PIK3C2G: variants seen among roughly 807,000 people sequenced by gnomAD.
PIK3C2G encodes the protein phosphatidylinositol 3-kinase C2 domain-containing subunit gamma.
Under a neutral mutation model 181.1 loss-of-function variants are expected in PIK3C2G, and 168 were observed. That is an observed-to-expected ratio of 0.93 (90% CI 0.82 to 1.05). The LOEUF is 1.05. Ranked by LOEUF, PIK3C2G falls within the 50% of genes least tolerant of loss-of-function variation. The pLI, the probability that PIK3C2G is intolerant of heterozygous loss-of-function variation, is 0.00. For synonymous variants in PIK3C2G, 573 were observed against 592.2 expected, an observed-to-expected ratio of 0.97 and a Z score of 0.47; for missense variants, 1,869 against 1,732.8, an observed-to-expected ratio of 1.08 and a Z score of -1.40.
rs111477409 is a variant in PIK3C2G, at chr12:18,613,470, C to CA, written c.4182+3842dup. Among the ~76,000 whole-genome samples, 501 of 152,124 alleles carry CA rather than the reference C, an allele frequency of 3.3e-3. 2 individuals are homozygous for CA. Among genetic ancestry groups the CA allele is most frequent in the African/African-American group, 0.01 (425 of 41,506 alleles). ...GTAGAGTCAAACACAAGAACCCCCCCACACACTAAAACTGTATTACTTTTA... is the reference window on the plus strand; with the variant it reads ...GTAGAGTCAAACACAAGAACCCCCCCAACACACTAAAACTGTATTACTTTTA... On this transcript the variant is annotated intron_variant, in intron 31 of 32. Transcript: ENST00000538779.
At position 18,491,440 on chromosome 12, in the gene PIK3C2G, AT is replaced by A; in HGVS notation, c.2686-6del. On this transcript the variant is annotated splice_polypyrimidine_tract_variant and intron_variant, in intron 19 of 32. Transcript: ENST00000538779. ...ATTTTCTTAAATCCTTTTTCTAATG[AT>A]TTTTCACAGGAGGTACTGAAGAAAG... 7.3e-7 allele frequency: 1 copy of A among 1,375,102 alleles called. No homozygotes were observed. The highest frequency in any genetic ancestry group is 1.0e-6 in the Non-Finnish European group (1 of 978,546). 85.2% of individuals were successfully genotyped at this position (1,375,102 alleles called of 1,614,324 possible). A position where few individuals can be genotyped will look rare whatever the true frequency, so the allele number is the denominator to read the frequency against.
chr12:18,301,927 T>C (rs1950193455), intron 5 of PIK3C2G, among the ~76,000 whole-genome samples: 1 of 152,324 alleles, frequency 6.6e-6, no homozygotes, highest in Non-Finnish European at 1.5e-5. Flanking sequence ...CAGCATTCTT[T>C]CTAGGCAAAT....
At chr12:18,361,091 T>C (rs1941201309) in intron 11 of PIK3C2G, among the ~76,000 whole-genome samples, 1 of 152,082 alleles carries the variant, frequency 6.6e-6, no homozygotes. Flanking sequence ...GTTATTGTTG[T>C]TGTTGTTGTT....
chr12:18,716,050 GATTT>G, the PIK3C2G span, among the ~76,000 whole-genome samples: 6 of 152,068 alleles, frequency 3.9e-5, no homozygotes, highest in East Asian at 9.7e-4. Context: ...TTGGCTTACG[GATTT>G]ATTTATGTAT....
At chr12:18,709,712 C>A in the PIK3C2G span, among the ~76,000 whole-genome samples, 1 of 151,878 alleles carries the variant, frequency 6.6e-6, no homozygotes, top group Non-Finnish European at 1.5e-5. Context: ...CAATACCACA[C>A]CCCAAGGGAA....
chr12:18,521,910 G>A (rs1942944179), intron 24 of PIK3C2G, among the ~76,000 whole-genome samples: 1 of 152,202 alleles, frequency 6.6e-6, no homozygotes, highest in Non-Finnish European at 1.5e-5. Context: ...CAAATCATGG[G>A]TTGCACAGTT....
intron 18 of PIK3C2G, among the ~76,000 whole-genome samples, chr12:18,431,290 T>C (rs1250878036): frequency 6.6e-6 from 1 of 152,178 alleles, no homozygotes; most frequent in African/African-American, 2.4e-5. Context: ...GTTGAATGAT[T>C]AACAATAAAA....
At chr12:18,628,922 T>C (rs1949224149) in intron 31 of PIK3C2G, among the ~76,000 whole-genome samples, 1 of 152,080 alleles carries the variant, frequency 6.6e-6, no homozygotes, top group Admixed American at 6.6e-5. Context: ...TGAGACCCCA[T>C]CTCTGAAAAA....
intron 24 of PIK3C2G, among the ~76,000 whole-genome samples, chr12:18,517,975 A>C (rs536028804): frequency 4.6e-5 from 7 of 152,324 alleles, no homozygotes; most frequent in Admixed American, 1.3e-4. Flanking sequence ...CCTTTTCTGC[A>C]TCTATTGAGA....
At chr12:18,650,331 C>CTCTCTCTATATATATATA (rs1555163997), downstream of PIK3C2G, among the ~76,000 whole-genome samples, 3 of 91,984 alleles carry the variant, frequency 3.3e-5, no homozygotes, top group African/African-American at 1.3e-4. Context: ...CTCTCTCTCT[C>CTCTCTCTATATATATATA]TATATATATA....
At chr12:18,372,964 C>CA (rs1340437206) in intron 13 of PIK3C2G, among the ~76,000 whole-genome samples, 1 of 151,974 alleles carries the variant, frequency 6.6e-6, no homozygotes, top group Non-Finnish European at 1.5e-5. Context: ...AATGAGACAT[C>CA]AAAAAACACA....
At chr12:18,632,708 AAG>A (rs1949403907) in intron 31 of PIK3C2G, among the ~76,000 whole-genome samples, 2 of 152,188 alleles carry the variant, frequency 1.3e-5, no homozygotes, top group African/African-American at 4.8e-5. Flanking sequence ...AGAGGACCAG[AAG>A]AGACTGCTGT....
intron 16 of PIK3C2G, among the ~76,000 whole-genome samples, chr12:18,410,688 T>G (rs955681741): frequency 6.6e-6 from 1 of 152,002 alleles, no homozygotes; most frequent in African/African-American, 2.4e-5. Flanking sequence ...TGAATTTGCT[T>G]AGAGAGAGGG....
intron 11 of PIK3C2G, among the ~76,000 whole-genome samples, chr12:18,355,420 C>G (rs906957780): frequency 1.3e-5 from 2 of 152,164 alleles, no homozygotes; most frequent in African/African-American, 2.4e-5. Flanking sequence ...GGGAAAGAAC[C>G]TCTTGCTTTC....
intron 2 of PIK3C2G, among the ~76,000 whole-genome samples, chr12:18,285,604 T>A (rs935725068): frequency 2.0e-5 from 3 of 152,028 alleles, no homozygotes; most frequent in African/African-American, 7.2e-5. Flanking sequence ...TGTAAATTCT[T>A]ACATATTAAA....
chr12:18,538,854 C>G (rs1273253969), intron 25 of PIK3C2G, among the ~76,000 whole-genome samples: 1 of 151,916 alleles, frequency 6.6e-6, no homozygotes, highest in Admixed American at 6.6e-5. Context: ...CCTACACACT[C>G]TCTTGTGACC....
chr12:18,368,623 C>T (rs974232425), intron 12 of PIK3C2G, among the ~76,000 whole-genome samples: 2 of 152,150 alleles, frequency 1.3e-5, no homozygotes, highest in Non-Finnish European at 2.9e-5. Flanking sequence ...AACTAGAATT[C>T]GTCTTTAATT....
chr12:18,313,245 T>C (rs998688033), intron 5 of PIK3C2G, among the ~76,000 whole-genome samples: 1 of 152,166 alleles, frequency 6.6e-6, no homozygotes, highest in Non-Finnish European at 1.5e-5. Context: ...GCTCTTCAGT[T>C]AATTTGTGCT....
At chr12:18,496,424 T>G (rs573643779) in intron 21 of PIK3C2G, among the ~76,000 whole-genome samples, 1 of 152,328 alleles carries the variant, frequency 6.6e-6, no homozygotes, top group South Asian at 2.1e-4. Context: ...ATGATTGCTT[T>G]TAAGTGGCAG....
Sources: gnomAD v4.1 joint callset for allele counts (sites outside exome capture counted in the v4.1 genomes callset) on GRCh38, gnomAD v4.1.1 for gene constraint, MANE v1.5 for transcripts, NCBI Gene and HGNC (gene_info 2026-07-23, HGNC 2026-07-21) for gene names.